The following GNG4 variants were observed in gnomAD, a reference collection of about 807,000 sequenced individuals.
GNG4 encodes guanine nucleotide-binding protein G(I)/G(S)/G(O) subunit gamma-4.
A neutral mutation model predicts 5.8 loss-of-function variants in GNG4; 4 were observed. The ratio of observed to expected loss-of-function variants is 0.69; its 90% confidence interval spans 0.34 to 1.57. The LOEUF (loss-of-function observed/expected upper bound fraction) is 1.57. GNG4 is among the 40% of genes most tolerant of loss of function. The pLI is 0.06. For missense variants in GNG4, 96 were observed against 95.1 expected (o/e 1.01, Z -0.04); for synonymous variants, 29 against 32.9 (o/e 0.88, Z 0.41).
chr1:235,587,631 TG>T (rs1687838796), intron 2 of GNG4, among the ~76,000 whole-genome samples: 1 of 308 alleles, frequency 3.2e-3, no homozygotes, highest in Non-Finnish European at 5.8e-3. Context: ...GAATGTGGGG[TG>T]GAGTGTGAGT....
chr1:235,630,707 G>T (rs1402407983), intron 1 of GNG4, among the ~76,000 whole-genome samples: 1 of 152,202 alleles, frequency 6.6e-6, no homozygotes, highest in Non-Finnish European at 1.5e-5. Flanking sequence ...AGACTTGAGG[G>T]ACACGGGCTC....
At chr1:235,621,572 G>GGT (rs1008424409) in intron 1 of GNG4, among the ~76,000 whole-genome samples, 9 of 151,942 alleles carry the variant, frequency 5.9e-5, no homozygotes, top group African/African-American at 2.2e-4. Context: ...TGGGATTACA[G>GGT]GTGTGAGCCA....
At chr1:235,564,810 C>A (rs537944592) in intron 3 of GNG4, among the ~76,000 whole-genome samples, 19 of 152,106 alleles carry the variant, frequency 1.2e-4, no homozygotes, top group Non-Finnish European at 2.4e-4. Flanking sequence ...CTCAGCCCCC[C>A]GAGTAGCTGG....
intron 2 of GNG4, among the ~76,000 whole-genome samples, chr1:235,590,119 T>A (rs1161225454): frequency 6.6e-6 from 1 of 152,154 alleles, no homozygotes; most frequent in African/African-American, 2.4e-5. Context: ...AGCAACAACA[T>A]CAACAGTCTT....
chr1:235,621,800 C>T (rs1435069624), intron 1 of GNG4, among the ~76,000 whole-genome samples: 1 of 151,956 alleles, frequency 6.6e-6, no homozygotes, highest in East Asian at 1.9e-4. Flanking sequence ...CCTCAGCCTC[C>T]TGAATAGCTG....
chr1:235,583,947 A>G (rs929566182), intron 2 of GNG4, 99 bp from the exon 3 acceptor site: 3 of 613,508 alleles, frequency 4.9e-6, no homozygotes, highest in African/African-American at 3.7e-5. Context: ...CAAGCCAGGG[A>G]GCATCTGGGA....
chr1:235,577,857 GC>G (rs762188046), intron 3 of GNG4, among the ~76,000 whole-genome samples: 3 of 151,894 alleles, frequency 2.0e-5, no homozygotes, highest in Non-Finnish European at 2.9e-5. Flanking sequence ...TTCCTATCCA[GC>G]CTCCCTCTTT....
At chr1:235,553,043 G>A (rs937602137) in intron 3 of GNG4, among the ~76,000 whole-genome samples, 3 of 134,202 alleles carry the variant, frequency 2.2e-5, no homozygotes, top group African/African-American at 9.0e-5. Flanking sequence ...ACAGGCATGA[G>A]CCACCGTGCC....
At chr1:235,556,471 T>C (rs1686910060) in intron 3 of GNG4, among the ~76,000 whole-genome samples, 3 of 149,934 alleles carry the variant, frequency 2.0e-5, no homozygotes, top group South Asian at 4.2e-4. Flanking sequence ...GGCAGGAGAA[T>C]TGCTTGAACC....
rs1315946892 is a variant in GNG4 at position 235,564,135 on chromosome 1, CG to C, written c.100-11899del. Among the ~76,000 whole-genome samples the C allele has an allele frequency of 3.9e-5, 6 of 152,132 alleles. No individual in the cohort carries two copies. In the East Asian group the frequency reaches 9.6e-4, roughly 24 times the overall value. On this transcript the variant is annotated intron_variant, in intron 3 of 3. Transcript: ENST00000391854. ...TTTGCAGCAGTATGAATACAGCTGG[CG>C]GCCATTATCCTAATTGAATTAATGC...
At chr1:235,643,024 G>A (rs1382225924) in intron 1 of GNG4, among the ~76,000 whole-genome samples, 1 of 152,104 alleles carries the variant, frequency 6.6e-6, no homozygotes, top group African/African-American at 2.4e-5. Flanking sequence ...CGGCCACCCC[G>A]ACTGACGCTG....
rs1686663834 is a variant in GNG4 at position 235,549,010 on chromosome 1, T to C, written c.*3099A>G. ...GGCTTCAAGACCAGCGTGGCCAACA[T>C]GGTGAAACTCCGTCTCTACTAAAAA... On this transcript the variant is annotated 3_prime_UTR_variant, in exon 4 of 4. Coordinates refer to ENST00000391854, the MANE Select transcript of GNG4 (RefSeq NM_001098722.2). 1 of 152,264 alleles carries C rather than the reference T, an allele frequency of 6.6e-6. No homozygotes were observed. Among genetic ancestry groups the C allele is most frequent in the Non-Finnish European group, 1.5e-5 (1 of 68,140 alleles). The allele number at this position is 152,264 out of a possible 1,614,324, so 9.4% of individuals were successfully genotyped here.
intron 1 of GNG4, among the ~76,000 whole-genome samples, chr1:235,600,708 C>T (rs1688241277): frequency 6.6e-6 from 1 of 152,224 alleles, no homozygotes; most frequent in South Asian, 2.1e-4. Flanking sequence ...CAGGCATGAG[C>T]CACCACTCCT....
rs1657362665 is a variant in GNG4, at chr1:235,642,519, C to G, written c.-123+7143G>C. Among the ~76,000 whole-genome samples, 1 of 151,976 alleles carries G rather than the reference C, an allele frequency of 6.6e-6. No homozygotes were observed. Among genetic ancestry groups the G allele is most frequent in the Admixed American group, 6.6e-5 (1 of 15,254 alleles). On this transcript the variant is annotated intron_variant, in intron 1 of 3. Coordinates refer to ENST00000391854, the MANE Select transcript of GNG4 (RefSeq NM_001098722.2). This position sits in a 1 kb window ranked among gnomAD's most constrained non-coding sequence, Gnocchi z 4.3. ...ATCATAAACAAGAGGCAGGATGCAA[C>G]TGCTTCAACGCAGAAAGAATGAGTC...
chr1:235,591,176 C>G (rs544977581), intron 2 of GNG4, among the ~76,000 whole-genome samples: 1 of 152,320 alleles, frequency 6.6e-6, no homozygotes, highest in East Asian at 1.9e-4. Context: ...TCCCAGCGCT[C>G]CTCAGCAGGA....
intron 3 of GNG4, among the ~76,000 whole-genome samples, chr1:235,575,459 C>T (rs1687461513): frequency 1.3e-5 from 2 of 152,184 alleles, no homozygotes; most frequent in South Asian, 2.1e-4. Context: ...TCTTCCTGCA[C>T]TCATGTTTTC....
chr1:235,645,251 T>A (rs1476390734), intron 1 of GNG4, among the ~76,000 whole-genome samples: 2 of 152,162 alleles, frequency 1.3e-5, no homozygotes, highest in African/African-American at 4.8e-5. Context: ...GAACCTGCTC[T>A]CAGCCCTCAG....
intron 1 of GNG4, among the ~76,000 whole-genome samples, chr1:235,597,588 C>CTCTGTGTGTGTG (rs1553369027): frequency 2.2e-4 from 16 of 74,268 alleles, no homozygotes; most frequent in East Asian, 4.6e-4. Flanking sequence ...AACTTGTTTG[C>CTCTGTGTGTGTG]TGTGTGTGTG....
At chr1:235,635,274 A>G (rs1689011818) in intron 1 of GNG4, among the ~76,000 whole-genome samples, 1 of 152,076 alleles carries the variant, frequency 6.6e-6, no homozygotes, top group African/African-American at 2.4e-5. Flanking sequence ...AGACGGGTGG[A>G]TCACCTGAGG....
Sources: allele counts gnomAD v4.1 joint callset (sites outside exome capture counted in the v4.1 genomes callset), GRCh38; gene constraint gnomAD v4.1.1; non-coding constraint Gnocchi (gnomAD v3.1); transcripts MANE v1.5; gene names NCBI Gene and HGNC (gene_info 2026-07-23, HGNC 2026-07-21).